Variants in PKD1L1 observed in about 807,000 individuals in gnomAD.
PKD1L1 encodes the protein polycystin-1-like protein 1.
A neutral mutation model predicts 323.4 loss-of-function variants in PKD1L1; 236 were observed. The observed-to-expected ratio is 0.73, with a 90% CI of 0.66 to 0.81. The LOEUF is 0.81. PKD1L1 is among the 40% of genes least tolerant of loss of function. The pLI, the probability that PKD1L1 is intolerant of heterozygous loss-of-function variation, is 0.00. For missense variants in PKD1L1, 3,320 were observed against 3,508.0 expected (o/e 0.95, Z 1.35); for synonymous variants, 1,344 against 1,335.0 (o/e 1.01, Z -0.15).
chr7:47,871,233 A>G (rs1035242992), intron 24 of PKD1L1, among the ~76,000 whole-genome samples: 1 of 144,220 alleles, frequency 6.9e-6, no homozygotes, highest in Admixed American at 6.9e-5. Context: ...AAATCAATCA[A>G]TTTTATATAA....
chr7:47,795,848 G>C (rs1784514007), intron 55 of PKD1L1, 141 bp downstream of exon 55: 2 of 975,352 alleles, frequency 2.1e-6, no homozygotes, highest in Non-Finnish European at 3.1e-6. Flanking sequence ...CACTATGATT[G>C]AGACTAATTT....
At chr7:47,860,133 G>A (rs1033165944) in intron 26 of PKD1L1, among the ~76,000 whole-genome samples, 4 of 152,220 alleles carry the variant, frequency 2.6e-5, no homozygotes, top group African/African-American at 9.6e-5. Flanking sequence ...ACTTTAGTGT[G>A]TAGTGCTGAT....
chr7:47,886,518 G>T (rs1184483334), intron 17 of PKD1L1, among the ~76,000 whole-genome samples: 2 of 152,130 alleles, frequency 1.3e-5, no homozygotes, highest in African/African-American at 4.8e-5. Flanking sequence ...CTGGTGGGAG[G>T]TGTTTAGATC....
chr7:47,897,992 G>T lies in PKD1L1; in HGVS notation c.2267C>A (p.Ala756Asp). The T allele has an allele frequency of 6.2e-7, 1 of 1,604,280 alleles. No individual in the cohort carries two copies. Among genetic ancestry groups the T allele is most frequent in the Non-Finnish European group, 8.5e-7 (1 of 1,174,866 alleles). Residue 756 changes from alanine to aspartate, a missense_variant, in exon 14 of 57, where the codon GCC (alanine) becomes GAC (aspartate). Transcript: ENST00000289672. The stretch of plus-strand genomic sequence containing the variant: ...GCAGTAAGTCAGCCAGCTGACCTTG[G>T]CAAGGGCAGTGTAGTTCCCATACTC... ...TLEYGNYTAL[A>D]KVQIEGSVVY...
intron 53 of PKD1L1, 129 bp from the exon 54 acceptor site, chr7:47,801,008 C>T: frequency 1.2e-6 from 1 of 823,738 alleles, no homozygotes; most frequent in Non-Finnish European, 1.9e-6. Context: ...TCAATCATGT[C>T]ATCCCTGGTT....
chr7:47,915,784 TTAAAA>T (rs1369081004), intron 7 of PKD1L1, among the ~76,000 whole-genome samples, 185 bp from the exon 8 acceptor site: 1 of 151,932 alleles, frequency 6.6e-6, no homozygotes, highest in East Asian at 1.9e-4. Context: ...CAGATGCCAA[TTAAAA>T]TAAAAGAACT....
At chr7:47,938,319 G>A (rs947939491) in intron 3 of PKD1L1, among the ~76,000 whole-genome samples, 1 of 152,144 alleles carries the variant, frequency 6.6e-6, no homozygotes, top group Non-Finnish European at 1.5e-5. Context: ...GCCAGCTCGT[G>A]CCTGAGTGCA....
Position 47,839,182 on chromosome 7 carries a change from C to T in PKD1L1, c.5769+264G>A, listed in dbSNP as rs1194972148. Among the ~76,000 whole-genome samples the T allele has an allele frequency of 6.6e-6, 1 of 152,138 alleles. No homozygotes were observed. The highest frequency in any genetic ancestry group is 1.5e-5 in the Non-Finnish European group (1 of 68,030). On this transcript the variant is annotated intron_variant, in intron 36 of 56. Transcript: ENST00000289672. The surrounding 1 kb of genome is among the most constrained non-coding windows in gnomAD (Gnocchi z 4.3). ...TCTGGACATCACAGACCACCAGCAACCATAAATTCCAGCAATGCTATTACA... is the reference window on the plus strand; with the variant it reads ...TCTGGACATCACAGACCACCAGCAATCATAAATTCCAGCAATGCTATTACA...
At position 47,833,080 on chromosome 7, in the gene PKD1L1, CCA is replaced by C; in HGVS notation, c.6337+8_6337+9del. The stretch of plus-strand genomic sequence containing the variant: ...GCAGGAAGGGGGCTGTGGTTGCAAG[CCA>C]CAGTTACCTTGAGTGTGGGGAGGGC... On this transcript the variant is annotated splice_region_variant and intron_variant, in intron 41 of 56. Transcript: ENST00000289672. The C allele has an allele frequency of 6.2e-7, 1 of 1,605,712 alleles. No individual in the cohort carries two copies. The highest frequency in any genetic ancestry group is 8.5e-7 in the Non-Finnish European group (1 of 1,175,896).
chr7:47,855,113 C>G (rs772582618), intron 29 of PKD1L1, 42 bp downstream of exon 29: 4 of 1,609,188 alleles, frequency 2.5e-6, no homozygotes, highest in African/African-American at 1.3e-5. Flanking sequence ...TCAGCCAGCA[C>G]AGCCTAAATG....
chr7:47,841,553 C>T (rs1411081122), intron 34 of PKD1L1, among the ~76,000 whole-genome samples: 3 of 152,152 alleles, frequency 2.0e-5, no homozygotes, highest in Non-Finnish European at 4.4e-5. Flanking sequence ...TTGGATTTAA[C>T]CTCATTATGC....
chr7:47,790,342 T>C (rs1786912426), intron 56 of PKD1L1, among the ~76,000 whole-genome samples: 1 of 151,948 alleles, frequency 6.6e-6, no homozygotes, highest in African/African-American at 2.4e-5. Context: ...TAATTTTTTT[T>C]TTTTTGAGAT....
At chr7:47,922,813 G>A (rs961001182) in intron 7 of PKD1L1, among the ~76,000 whole-genome samples, 10 of 152,010 alleles carry the variant, frequency 6.6e-5, no homozygotes, top group Non-Finnish European at 5.9e-5. Context: ...CCCTCTGCCC[G>A]GCCGCCACCC....
intron 56 of PKD1L1, among the ~76,000 whole-genome samples, chr7:47,787,784 T>C (rs1786845156): frequency 2.6e-5 from 4 of 152,146 alleles, no homozygotes; most frequent in Non-Finnish European, 5.9e-5. Flanking sequence ...TAATCATGGC[T>C]CACTGCAGCC....
At chr7:47,807,638 G>T (rs1202987171) in intron 52 of PKD1L1, among the ~76,000 whole-genome samples, 1 of 152,106 alleles carries the variant, frequency 6.6e-6, no homozygotes, top group Non-Finnish European at 1.5e-5. Flanking sequence ...ATGCTGTTGT[G>T]GGGGGATCCT....
chr7:47,870,191 A>C lies in PKD1L1; in HGVS notation c.3897-3577T>G, dbSNP rs2128744593. ...TAAGAAACAACAACAACAAAAAAAA[A>C]CAAGAGCAAAGTAAACCAGAGCAAG... On this transcript the variant is annotated intron_variant, in intron 24 of 56. Transcript: ENST00000289672. Among the ~76,000 whole-genome samples, 2 of 152,216 alleles carry C rather than the reference A, an allele frequency of 1.3e-5. 1 individual carries two copies. The highest frequency in any genetic ancestry group is 4.1e-4 in the South Asian group (2 of 4,828).
chr7:47,801,066 CCCT>C (rs1784651507), intron 53 of PKD1L1, among the ~76,000 whole-genome samples, 187 bp from the exon 54 acceptor site: 1 of 152,032 alleles, frequency 6.6e-6, no homozygotes, highest in South Asian at 2.1e-4. Context: ...TCCCAGGCCT[CCCT>C]CCTCCCACCC....
rs201239949 is a variant in PKD1L1 at position 47,890,709 on chromosome 7, G to A, written c.2508C>T (p.Ser836=). Residue 836 remains serine, a synonymous_variant, in exon 16 of 57, where the codon TCC becomes TCT. Coordinates refer to ENST00000289672, the MANE Select transcript of PKD1L1 (RefSeq NM_138295.5). ...CGGCATCCAGTTGGTGTGCAGTGGA[G>A]GAGTCGAAGCAGGGATGTGCTGGGG... ...AGSPAHPCFD[S]STAHQLDAAA... is the part of the protein sequence containing the mutation. The A allele has an allele frequency of 1.0e-4, 164 of 1,613,546 alleles. 2 individuals are homozygous for A. The Middle Eastern group carries it at 4.2e-3, about 41-fold the overall frequency.
intron 24 of PKD1L1, 147 bp downstream of exon 24, chr7:47,873,752 A>T (rs1583637601): frequency 1.8e-6 from 1 of 564,688 alleles, no homozygotes; most frequent in East Asian, 3.0e-5. Context: ...GATTGCAGTG[A>T]TAGCACCCGG....
Sources: gnomAD v4.1 joint callset for allele counts (sites outside exome capture counted in the v4.1 genomes callset) on GRCh38, gnomAD v4.1.1 for gene constraint, Gnocchi (gnomAD v3.1) non-coding constraint, MANE v1.5 for transcripts, NCBI Gene and HGNC (gene_info 2026-07-23, HGNC 2026-07-21) for gene names.